Variants in COL11A1 observed in about 807,000 individuals in gnomAD.
The protein encoded by COL11A1 is collagen alpha-1(XI) chain.
A neutral mutation model predicts 265.2 loss-of-function variants in COL11A1; 74 were observed. The observed-to-expected ratio is 0.28, with a 90% CI of 0.23 to 0.34. The LOEUF (loss-of-function observed/expected upper bound fraction) is 0.34. Among genes scored for constraint, COL11A1 ranks in the 10% least tolerant of loss-of-function variants. COL11A1 has a pLI of 1.00. For synonymous variants in COL11A1, 816 were observed against 727.6 expected (o/e 1.12, Z -1.96); for missense variants, 2,165 against 2,263.6 (o/e 0.96, Z 0.88).
At chr1:103,022,201 A>G (rs1473007101) in intron 8 of COL11A1, among the ~76,000 whole-genome samples, 1 of 151,968 alleles carries the variant, frequency 6.6e-6, no homozygotes, top group African/African-American at 2.4e-5. Context: ...AAACACATTT[A>G]AAACAACCTA....
At chr1:102,967,340 AC>A (rs2101608736) in intron 37 of COL11A1, among the ~76,000 whole-genome samples, 1 of 132,226 alleles carries the variant, frequency 7.6e-6, no homozygotes, top group Non-Finnish European at 1.5e-5. Context: ...TCCCAGGTTC[AC>A]GCCATTCTCC....
intron 57 of COL11A1, among the ~76,000 whole-genome samples, chr1:102,894,877 GC>G (rs978973238): frequency 6.6e-6 from 1 of 152,112 alleles, no homozygotes; most frequent in Non-Finnish European, 1.5e-5. Flanking sequence ...CCAGGTTCAA[GC>G]TATTCTCCCA....
intron 1 of COL11A1, 85 bp from the exon 2 acceptor site, chr1:103,083,057 C>A: frequency 7.8e-7 from 1 of 1,281,256 alleles, no homozygotes; most frequent in Non-Finnish European, 1.1e-6. Context: ...GATAGTATGT[C>A]ATTTCATACC....
chr1:102,980,445 G>A (rs1016261202), intron 31 of COL11A1, among the ~76,000 whole-genome samples: 3 of 151,984 alleles, frequency 2.0e-5, no homozygotes, highest in Non-Finnish European at 2.9e-5. Context: ...GAGAAGATTA[G>A]TGTTCACATC....
At chr1:103,085,724 T>C (rs1370315723) in intron 1 of COL11A1, among the ~76,000 whole-genome samples, 3 of 152,148 alleles carry the variant, frequency 2.0e-5, no homozygotes, top group Admixed American at 6.5e-5. Flanking sequence ...TTTGAGAACA[T>C]TTTTTTGCAC....
intron 46 of COL11A1, among the ~76,000 whole-genome samples, chr1:102,933,284 T>C (rs2101191790): frequency 7.9e-6 from 1 of 127,066 alleles, no homozygotes; most frequent in South Asian, 3.1e-4. Flanking sequence ...TGGATGTCCT[T>C]TCTGTTTGTT....
chr1:103,033,404 C>T (rs1003358824), intron 4 of COL11A1, among the ~76,000 whole-genome samples: 2 of 151,900 alleles, frequency 1.3e-5, no homozygotes, highest in South Asian at 2.1e-4. Context: ...TTATAGGTTT[C>T]GTTAGTGGTT....
chr1:102,955,028 C>G (rs537439836), intron 41 of COL11A1, among the ~76,000 whole-genome samples: 26 of 152,180 alleles, frequency 1.7e-4, no homozygotes, highest in Non-Finnish European at 2.9e-4. Context: ...AGATTTTGAT[C>G]ACTGGTCCCC....
At chr1:103,070,584 T>A (rs902896614) in intron 4 of COL11A1, among the ~76,000 whole-genome samples, 1 of 151,830 alleles carries the variant, frequency 6.6e-6, no homozygotes, top group African/African-American at 2.4e-5. Flanking sequence ...TGATAAGGAA[T>A]CTCTTGGGTG....
chr1:102,962,472 C>T (rs759776579), intron 39 of COL11A1, among the ~76,000 whole-genome samples, 181 bp downstream of exon 39: 8 of 152,140 alleles, frequency 5.3e-5, no homozygotes, highest in Non-Finnish European at 1.0e-4. Flanking sequence ...TTATGGTCAA[C>T]GGAGCTAACG....
intron 57 of COL11A1, among the ~76,000 whole-genome samples, chr1:102,896,322 A>G (rs545300185): frequency 1.7e-4 from 25 of 150,382 alleles, no homozygotes; most frequent in African/African-American, 4.9e-4. Flanking sequence ...ACTAGTAACC[A>G]TAATAAGTTA....
At chr1:103,079,309 GT>G (rs1672220966) in intron 2 of COL11A1, among the ~76,000 whole-genome samples, 1 of 152,032 alleles carries the variant, frequency 6.6e-6, no homozygotes, top group Non-Finnish European at 1.5e-5. Context: ...TCTTTCTGTT[GT>G]TTCTTTAAAA....
At chr1:103,023,634 T>G (rs12749361) in intron 7 of COL11A1, among the ~76,000 whole-genome samples, 12,042 of 152,206 alleles carry the variant, frequency 0.079, 533 homozygotes, top group Middle Eastern at 0.15. Context: ...TGGGATTACA[T>G]GTGCGAGCCT....
In COL11A1 at chr1:103,026,180, A is replaced by T. The variant is rs766818345; in HGVS notation, c.897+36T>A. The T allele has an allele frequency of 4.4e-5, 63 of 1,429,342 alleles. No homozygotes were observed. In the East Asian group the frequency reaches 1.4e-3, roughly 33 times the overall value. 88.5% of individuals were successfully genotyped at this position (1,429,342 alleles called of 1,614,324 possible). On this transcript the variant is annotated intron_variant, in intron 6 of 66. Transcript: ENST00000370096. ...AAGGAACCACAGGATGACGAACAGC[A>T]GGACACCACATACACAGGCACTGCT...
At chr1:103,025,389 CT>C in intron 7 of COL11A1, 131 bp downstream of exon 7, 1 of 728,836 alleles carries the variant, frequency 1.4e-6, no homozygotes, top group Non-Finnish European at 2.4e-6. Flanking sequence ...GCTATTGTTT[CT>C]CTTACTTTAG....
At chr1:102,945,525 A>C (rs1462726163) in intron 42 of COL11A1, among the ~76,000 whole-genome samples, 2 of 152,216 alleles carry the variant, frequency 1.3e-5, no homozygotes, top group Non-Finnish European at 2.9e-5. Flanking sequence ...AAGCAAATCA[A>C]CTTGATAAAA....
At chr1:103,079,102 T>C (rs1672204855) in intron 2 of COL11A1, among the ~76,000 whole-genome samples, 1 of 152,136 alleles carries the variant, frequency 6.6e-6, no homozygotes, top group African/African-American at 2.4e-5. Context: ...TAAAGCACAA[T>C]GTTTATGTGA....
intron 52 of COL11A1, among the ~76,000 whole-genome samples, chr1:102,914,144 TTGCA>T: frequency 6.6e-6 from 1 of 152,360 alleles, no homozygotes; most frequent in African/African-American, 2.4e-5. Context: ...TGTACCTATG[TTGCA>T]TGAAGAGCTT....
intron 43 of COL11A1, among the ~76,000 whole-genome samples, chr1:102,939,384 A>G (rs1658484634): frequency 6.6e-6 from 1 of 152,186 alleles, no homozygotes; most frequent in African/African-American, 2.4e-5. Context: ...ACTGACATAT[A>G]AAATCTATAA....
Sources: gnomAD v4.1 joint callset for allele counts (sites outside exome capture counted in the v4.1 genomes callset) on GRCh38, gnomAD v4.1.1 for gene constraint, MANE v1.5 for transcripts, NCBI Gene and HGNC (gene_info 2026-07-23, HGNC 2026-07-21) for gene names.